Variants in CSNK1G1 observed in about 807,000 individuals in gnomAD.
CSNK1G1 encodes the protein casein kinase I isoform gamma-1.
CSNK1G1 carries 22 observed loss-of-function variants against 59.6 expected under a neutral mutation model. The observed-to-expected ratio is 0.37, with a 90% CI of 0.26 to 0.53. The LOEUF (loss-of-function observed/expected upper bound fraction) is 0.53. Among genes scored for constraint, CSNK1G1 ranks in the 20% least tolerant of loss-of-function variants. The pLI is 0.89. For missense variants in CSNK1G1, 384 were observed against 519.5 expected (o/e 0.74, Z 2.54); for synonymous variants, 179 against 177.1 (o/e 1.01, Z -0.08).
At chr15:64,206,123 T>C (rs2082176280) in intron 7 of CSNK1G1, among the ~76,000 whole-genome samples, 1 of 152,134 alleles carries the variant, frequency 6.6e-6, no homozygotes, top group South Asian at 2.1e-4. Flanking sequence ...CTGACCAACA[T>C]GGTGAAACCC....
intron 2 of CSNK1G1, among the ~76,000 whole-genome samples, chr15:64,259,580 T>C (rs1343212251): frequency 6.6e-6 from 1 of 151,214 alleles, no homozygotes; most frequent in Non-Finnish European, 1.5e-5. Context: ...CAAGAAGAAA[T>C]GCCAGAATTT....
rs750611784 is a variant in CSNK1G1, at chr15:64,216,763, A to C, written c.293-50T>G. ...TATACAGTGGGAGACACAAAAGCCA[A>C]AATATGAGATAACAGTATTAGCACT... is the stretch of plus-strand genomic sequence containing the variant. On this transcript the variant is annotated intron_variant, in intron 4 of 11. Coordinates refer to ENST00000303052, the MANE Select transcript of CSNK1G1 (RefSeq NM_022048.5). The surrounding 1 kb of genome is among the most constrained non-coding windows in gnomAD (Gnocchi z 4.6). 1 of 1,514,442 alleles carries C rather than the reference A, an allele frequency of 6.6e-7. No individual in the cohort carries two copies. Among genetic ancestry groups the C allele is most frequent in the Non-Finnish European group, 9.1e-7 (1 of 1,096,510 alleles). The allele number at this position is 1,514,442 out of a possible 1,614,324, so 93.8% of individuals were successfully genotyped here. A position where few individuals can be genotyped will look rare whatever the true frequency, so the allele number is the denominator to read the frequency against.
At chr15:64,271,408 CCTCTCAAGTAG>C (rs1005159082) in intron 2 of CSNK1G1, among the ~76,000 whole-genome samples, 3 of 152,022 alleles carry the variant, frequency 2.0e-5, no homozygotes, top group Non-Finnish European at 2.9e-5. Context: ...TCCACCTCAG[CCTCTCAAGTAG>C]CTGAGACCAC....
intron 1 of CSNK1G1, among the ~76,000 whole-genome samples, chr15:64,337,222 C>T (rs1174723156): frequency 1.3e-5 from 2 of 151,974 alleles, no homozygotes; most frequent in East Asian, 1.9e-4. Context: ...AGCGAGACTC[C>T]GTCTCAAACA....
chr15:64,300,604 A>G lies in CSNK1G1; in HGVS notation c.-105T>C. On this transcript the variant is annotated 5_prime_UTR_variant, in exon 2 of 12. Transcript: ENST00000303052. ...AAATAAATTGTAGTCAGAGAAAGGTAAGGAGTTCTTTTAGCACCATATTTG... is the reference window on the plus strand; with the variant it reads ...AAATAAATTGTAGTCAGAGAAAGGTGAGGAGTTCTTTTAGCACCATATTTG... The G allele has an allele frequency of 1.4e-6, 2 of 1,446,854 alleles. No individual in the cohort carries two copies. Among genetic ancestry groups the G allele is most frequent in the Non-Finnish European group, 1.8e-6 (2 of 1,095,892 alleles). The allele number at this position is 1,446,854 out of a possible 1,614,324, so 89.6% of individuals were successfully genotyped here.
rs899131986 is a variant in CSNK1G1, at chr15:64,170,595, A to G, written c.*1336T>C. The G allele has an allele frequency of 1.3e-5, 2 of 152,584 alleles. No individual in the cohort carries two copies. Among genetic ancestry groups the G allele is most frequent in the South Asian group, 2.1e-4 (1 of 4,832 alleles). The allele number at this position is 152,584 out of a possible 1,614,324, so 9.5% of individuals were successfully genotyped here. A position where few individuals can be genotyped will look rare whatever the true frequency, so the allele number is the denominator to read the frequency against. ...ACACCGATTTTCTTTTCCTGGCCCT[A>G]TAATGCCACACCCTGAGGTCCCTCT... On this transcript the variant is annotated 3_prime_UTR_variant, in exon 12 of 12. Coordinates refer to ENST00000303052, the MANE Select transcript of CSNK1G1 (RefSeq NM_022048.5).
At chr15:64,276,837 C>T (rs1893647588) in intron 2 of CSNK1G1, among the ~76,000 whole-genome samples, 2 of 150,950 alleles carry the variant, frequency 1.3e-5, no homozygotes, top group Admixed American at 1.3e-4. Context: ...GTCCCAGCTA[C>T]TTGAGAGGCT....
chr15:64,284,836 A>G (rs1023147277), intron 2 of CSNK1G1, among the ~76,000 whole-genome samples: 1 of 152,092 alleles, frequency 6.6e-6, no homozygotes, highest in African/African-American at 2.4e-5. Context: ...GTGATATCAT[A>G]TGAAAGTTTT....
Position 64,301,216 on chromosome 15 carries a change from C to A in CSNK1G1, c.-224-493G>T, listed in dbSNP as rs150967059. Among the ~76,000 whole-genome samples, 449 of 152,250 alleles carry A rather than the reference C, an allele frequency of 2.9e-3. 5 individuals carry two copies. Among genetic ancestry groups the A allele is most frequent in the African/African-American group, 0.01 (428 of 41,548 alleles). On this transcript the variant is annotated intron_variant, in intron 1 of 11. Transcript: ENST00000303052. ...TTCAGTTACCAATCAACACAGACAA[C>A]CTCTATGAAGGAACTTCCAAAACTC...
intron 2 of CSNK1G1, among the ~76,000 whole-genome samples, chr15:64,280,621 A>G (rs931894107): frequency 2.0e-5 from 3 of 151,942 alleles, no homozygotes; most frequent in Non-Finnish European, 4.4e-5. Context: ...CGGCCTCCCA[A>G]AGTGTTAAGG....
intron 2 of CSNK1G1, among the ~76,000 whole-genome samples, chr15:64,271,081 C>G (rs1256937865): frequency 1.3e-5 from 2 of 152,090 alleles, no homozygotes; most frequent in African/African-American, 4.8e-5. Flanking sequence ...CTCCTGCGTT[C>G]AAGTGATTCT....
intron 10 of CSNK1G1, among the ~76,000 whole-genome samples, chr15:64,201,285 AAAAAAGAAAG>A (rs1327857951): frequency 7.4e-4 from 112 of 151,592 alleles, no homozygotes; most frequent in African/African-American, 2.5e-3. Flanking sequence ...AAAAAAAAAA[AAAAAAGAAAG>A]AAAAAGAAAA....
rs1477039244 is a variant in CSNK1G1, at chr15:64,195,374, G to A, written c.1107+7708C>T. 2.6e-5 allele frequency among the ~76,000 whole-genome samples: 4 copies of A among 152,260 alleles called. No homozygotes were observed. The East Asian group carries it at 7.7e-4, about 29-fold the overall frequency. On this transcript the variant is annotated intron_variant, in intron 10 of 11. Coordinates refer to ENST00000303052, the MANE Select transcript of CSNK1G1 (RefSeq NM_022048.5). ...CAACAAAACCCACCATAATAAAAGA[G>A]GTCAGCCAGAGAAAAAGGAGACGCT...
At chr15:64,304,625 A>G (rs919724838) in intron 1 of CSNK1G1, among the ~76,000 whole-genome samples, 2 of 152,208 alleles carry the variant, frequency 1.3e-5, no homozygotes, top group Non-Finnish European at 2.9e-5. Flanking sequence ...TGAAGTCTAA[A>G]AGAAAATTAA....
At chr15:64,254,325 C>G (rs1016549406) in intron 3 of CSNK1G1, among the ~76,000 whole-genome samples, 7 of 150,036 alleles carry the variant, frequency 4.7e-5, no homozygotes, top group African/African-American at 1.7e-4. Context: ...GGTTGTACAC[C>G]AATGTAAATG....
At chr15:64,271,077 C>T (rs1257114752) in intron 2 of CSNK1G1, among the ~76,000 whole-genome samples, 4 of 151,714 alleles carry the variant, frequency 2.6e-5, no homozygotes, top group East Asian at 1.9e-4. Flanking sequence ...CTGCCTCCTG[C>T]GTTCAAGTGA....
At chr15:64,241,027 T>C (rs1026448658) in intron 4 of CSNK1G1, among the ~76,000 whole-genome samples, 1 of 151,934 alleles carries the variant, frequency 6.6e-6, no homozygotes, top group South Asian at 2.1e-4. Context: ...CTGTGAAAAA[T>C]AGCCTTGAAT....
At chr15:64,269,513 A>G (rs1348731643) in intron 2 of CSNK1G1, among the ~76,000 whole-genome samples, 7 of 107,122 alleles carry the variant, frequency 6.5e-5, no homozygotes, top group Admixed American at 1.2e-4. Context: ...TTTTTTTTTG[A>G]GACGGAGTCT....
chr15:64,337,428 A>G (rs1253593734), intron 1 of CSNK1G1, among the ~76,000 whole-genome samples: 1 of 152,160 alleles, frequency 6.6e-6, no homozygotes, highest in East Asian at 1.9e-4. Flanking sequence ...AGCTCACTGC[A>G]GCCTCGAACT....
Sources: allele counts gnomAD v4.1 joint callset (sites outside exome capture counted in the v4.1 genomes callset), GRCh38; gene constraint gnomAD v4.1.1; non-coding constraint Gnocchi (gnomAD v3.1); transcripts MANE v1.5; gene names NCBI Gene and HGNC (gene_info 2026-07-23, HGNC 2026-07-21).